MAST4: variants seen among roughly 807,000 people sequenced by gnomAD.
The protein encoded by MAST4 is microtubule associated serine/threonine kinase family member 4.
Under a neutral mutation model 162.7 loss-of-function variants are expected in MAST4, and 89 were observed. The observed-to-expected ratio is 0.55, with a 90% CI of 0.46 to 0.65. MAST4 has a LOEUF of 0.65. MAST4 is among the 30% of genes least tolerant of loss of function. MAST4 has a pLI of 0.00. For synonymous variants in MAST4, 1,479 were observed against 1,361.1 expected, an observed-to-expected ratio of 1.09 and a Z score of -1.91; for missense variants, 3,153 against 3,374.0, an observed-to-expected ratio of 0.93 and a Z score of 1.62.
intron 3 of MAST4, among the ~76,000 whole-genome samples, chr5:66,886,754 A>G (rs978161621): frequency 1.3e-5 from 2 of 150,938 alleles, no homozygotes; most frequent in South Asian, 2.1e-4. Context: ...AAAACCACCT[A>G]AATTCATCCA....
At chr5:66,630,220 A>T (rs10515011) in intron 1 of MAST4, among the ~76,000 whole-genome samples, 54,174 of 152,034 alleles carry the variant, frequency 0.36, 10,013 homozygotes, top group East Asian at 0.57. Context: ...CTGCTCTAGG[A>T]TGTCACAGAC....
At chr5:66,803,560 A>G (rs1055500947) in intron 3 of MAST4, among the ~76,000 whole-genome samples, 5 of 152,086 alleles carry the variant, frequency 3.3e-5, no homozygotes, top group African/African-American at 1.2e-4. Flanking sequence ...ATAAGGTTTT[A>G]TTTTTTACAG....
At chr5:66,871,225 T>A (rs1760910091) in intron 3 of MAST4, among the ~76,000 whole-genome samples, 1 of 152,222 alleles carries the variant, frequency 6.6e-6, no homozygotes, top group Non-Finnish European at 1.5e-5. Context: ...ACCGTATAAA[T>A]ACAATTGATG....
chr5:66,650,350 G>A (rs1746137395), intron 1 of MAST4, among the ~76,000 whole-genome samples: 1 of 152,054 alleles, frequency 6.6e-6, no homozygotes, highest in Non-Finnish European at 1.5e-5. Context: ...CTGGCTCTAT[G>A]GAAGAAAAGA....
intron 5 of MAST4, among the ~76,000 whole-genome samples, chr5:67,066,497 T>C (rs984604541): frequency 6.6e-6 from 1 of 151,890 alleles, no homozygotes; most frequent in Non-Finnish European, 1.5e-5. Flanking sequence ...GTCTATATCA[T>C]TTTCTTTTAG....
intron 3 of MAST4, among the ~76,000 whole-genome samples, chr5:66,789,529 T>G (rs72761249): frequency 1.3e-5 from 2 of 152,326 alleles, no homozygotes; most frequent in Non-Finnish European, 2.9e-5. Context: ...TAATGGCTTA[T>G]TTTTAAGGGA....
chr5:67,117,058 T>C (rs1767005137), intron 12 of MAST4, among the ~76,000 whole-genome samples: 1 of 152,200 alleles, frequency 6.6e-6, no homozygotes, highest in Admixed American at 6.5e-5. Context: ...AATAATAGTA[T>C]CTATTTATAG....
intron 6 of MAST4, among the ~76,000 whole-genome samples, chr5:67,093,468 T>C (rs1416779445): frequency 2.0e-5 from 3 of 152,202 alleles, no homozygotes; most frequent in Non-Finnish European, 4.4e-5. Flanking sequence ...GATGTGCAGT[T>C]GTCATGGTGA....
chr5:66,925,825 T>G (rs553475481), intron 4 of MAST4, among the ~76,000 whole-genome samples: 1 of 152,198 alleles, frequency 6.6e-6, no homozygotes, highest in South Asian at 2.1e-4. Context: ...CTATAATTGA[T>G]CAAGTAATTA....
At chr5:66,879,103 C>A (rs1761502404) in intron 3 of MAST4, among the ~76,000 whole-genome samples, 1 of 152,064 alleles carries the variant, frequency 6.6e-6, no homozygotes, top group African/African-American at 2.4e-5. Flanking sequence ...CATGGTGAAA[C>A]CCTGTCTCTA....
At chr5:67,120,925 A>G in intron 13 of MAST4, 92 bp from the exon 14 acceptor site, 1 of 913,542 alleles carries the variant, frequency 1.1e-6, no homozygotes. Flanking sequence ...CATATTACAT[A>G]ACAGCATGTC....
intron 5 of MAST4, among the ~76,000 whole-genome samples, chr5:67,081,144 A>G (rs1236611058): frequency 6.8e-6 from 1 of 147,558 alleles, no homozygotes; most frequent in Non-Finnish European, 1.5e-5. Context: ...TTAAATCTTA[A>G]CCCAGGAACA....
intron 1 of MAST4, among the ~76,000 whole-genome samples, chr5:66,640,738 G>A (rs957952183): frequency 1.3e-5 from 2 of 152,184 alleles, no homozygotes; most frequent in African/African-American, 4.8e-5. Context: ...TTTCCTTTGG[G>A]CATGTACCTA....
rs538094867 is a variant in MAST4, at chr5:66,780,543, C to T, written c.518-8127C>T. ...AGTGTTACAGCTCTTAAAGGTCGTG[C>T]GGACCCAAAGAGTGAGCAGCAGCAA... On this transcript the variant is annotated intron_variant, in intron 2 of 28. Transcript: ENST00000403625. Among the ~76,000 whole-genome samples, 6 of 152,244 alleles carry T rather than the reference C, an allele frequency of 3.9e-5. No individual in the cohort carries two copies. The East Asian group carries it at 5.8e-4, about 15-fold the overall frequency.
chr5:66,864,650 C>CG (rs201090300), intron 3 of MAST4, among the ~76,000 whole-genome samples: 7 of 151,310 alleles, frequency 4.6e-5, no homozygotes, highest in Non-Finnish European at 1.0e-4. Context: ...TATGTCCCCC[C>CG]CCGAAAATAC....
intron 27 of MAST4, 130 bp downstream of exon 27, chr5:67,160,722 A>G (rs1039755741): frequency 1.2e-6 from 1 of 859,238 alleles, no homozygotes; most frequent in Non-Finnish European, 1.7e-6. Flanking sequence ...TGGTTCACAT[A>G]TATGTATACA....
At chr5:66,972,699 G>A (rs1443989160) in intron 4 of MAST4, among the ~76,000 whole-genome samples, 1 of 152,140 alleles carries the variant, frequency 6.6e-6, no homozygotes, top group Admixed American at 6.5e-5. Context: ...ATGTCTTCCT[G>A]CTTTAGTTCA....
intron 2 of MAST4, among the ~76,000 whole-genome samples, chr5:66,770,935 A>G (rs1032676350): frequency 6.6e-6 from 1 of 152,168 alleles, no homozygotes; most frequent in Non-Finnish European, 1.5e-5. Context: ...TAGGCCTTCA[A>G]TCACTGTTGA....
At chr5:67,092,865 T>G (rs1764023474) in intron 6 of MAST4, among the ~76,000 whole-genome samples, 2 of 152,172 alleles carry the variant, frequency 1.3e-5, no homozygotes, top group South Asian at 4.1e-4. Flanking sequence ...GATGATCCTG[T>G]TTTTCCTGCT....
Sources: gnomAD v4.1 joint callset for allele counts (sites outside exome capture counted in the v4.1 genomes callset) on GRCh38, gnomAD v4.1.1 for gene constraint, MANE v1.5 for transcripts, NCBI Gene and HGNC (gene_info 2026-07-23, HGNC 2026-07-21) for gene names.